The following PPARGC1A variants were observed in gnomAD, a reference collection of about 807,000 sequenced individuals.
PPARGC1A encodes the protein peroxisome proliferator-activated receptor gamma coactivator 1-alpha.
PPARGC1A carries 25 observed loss-of-function variants against 88.7 expected under a neutral mutation model. That is an observed-to-expected ratio of 0.28 (90% CI 0.21 to 0.39). The LOEUF (loss-of-function observed/expected upper bound fraction) is 0.39. PPARGC1A is among the 10% of genes least tolerant of loss of function. PPARGC1A has a pLI of 1.00. For synonymous variants in PPARGC1A, 363 were observed against 355.6 expected (o/e 1.02, Z -0.24); for missense variants, 880 against 968.7 (o/e 0.91, Z 1.22).
At chr4:24,466,569 G>A in the PPARGC1A span, among the ~76,000 whole-genome samples, 13 of 152,172 alleles carry the variant, frequency 8.5e-5, no homozygotes, top group Non-Finnish European at 2.9e-5. Flanking sequence ...GAGATTAAAT[G>A]AGTCAAATAT....
At chr4:24,090,559 G>A in the PPARGC1A span, among the ~76,000 whole-genome samples, 3 of 152,028 alleles carry the variant, frequency 2.0e-5, no homozygotes, top group African/African-American at 7.2e-5. Flanking sequence ...TTCTGCTATA[G>A]ACAAAATGGA....
the PPARGC1A span, among the ~76,000 whole-genome samples, chr4:24,304,348 AT>A: frequency 1.0e-3 from 153 of 152,310 alleles, 1 homozygote; most frequent in Non-Finnish European, 2.0e-3. Flanking sequence ...ACTTGTGAGA[AT>A]GGGGTACTCC....
At chr4:24,324,685 T>C in the PPARGC1A span, among the ~76,000 whole-genome samples, 1 of 152,170 alleles carries the variant, frequency 6.6e-6, no homozygotes, top group Non-Finnish European at 1.5e-5. Flanking sequence ...AAGATTTAAA[T>C]AATTCTTGTC....
chr4:24,435,856 G>C, the PPARGC1A span, among the ~76,000 whole-genome samples: 1 of 152,202 alleles, frequency 6.6e-6, no homozygotes, highest in South Asian at 2.1e-4. Flanking sequence ...TTGAGACCAA[G>C]AGATGCCCAA....
At chr4:24,086,617 C>T in the PPARGC1A span, among the ~76,000 whole-genome samples, 19 of 152,322 alleles carry the variant, frequency 1.2e-4, no homozygotes, top group South Asian at 3.3e-3. Context: ...GCCGTGCTCT[C>T]CCACCATGAC....
chr4:24,132,085 A>G, the PPARGC1A span, among the ~76,000 whole-genome samples: 4 of 152,184 alleles, frequency 2.6e-5, no homozygotes, highest in Admixed American at 2.6e-4. Flanking sequence ...TTTTGCACAC[A>G]TTCTCTTACT....
At chr4:24,333,937 CAACAAA>C in the PPARGC1A span, among the ~76,000 whole-genome samples, 77 of 10,366 alleles carry the variant, frequency 7.4e-3, no homozygotes, top group African/African-American at 0.012. Context: ...CCAACAACAA[CAACAAA>C]AAAAAAAAAA....
At chr4:24,001,510 C>A in the PPARGC1A span, among the ~76,000 whole-genome samples, 1 of 152,066 alleles carries the variant, frequency 6.6e-6, no homozygotes, top group Non-Finnish European at 1.5e-5. Context: ...AACATAGCAA[C>A]AATTTAGCAA....
chr4:23,813,307 A>G (rs1321153222), intron 8 of PPARGC1A, among the ~76,000 whole-genome samples, 182 bp from the exon 9 acceptor site: 2 of 152,110 alleles, frequency 1.3e-5, no homozygotes, highest in Non-Finnish European at 2.9e-5. Context: ...GCTGGGAGTG[A>G]TGTGCTCTCT....
the PPARGC1A span, among the ~76,000 whole-genome samples, chr4:24,195,126 G>A: frequency 2.6e-5 from 4 of 152,264 alleles, no homozygotes; most frequent in African/African-American, 9.6e-5. Context: ...GAGTACCTAT[G>A]TTATATGGAA....
the PPARGC1A span, among the ~76,000 whole-genome samples, chr4:24,206,978 C>T: frequency 3.3e-4 from 49 of 150,204 alleles, no homozygotes; most frequent in Middle Eastern, 0.018. Context: ...AGAAAAGAAG[C>T]TTTAAACCCT....
chr4:24,327,182 G>T, the PPARGC1A span, among the ~76,000 whole-genome samples: 1 of 152,296 alleles, frequency 6.6e-6, no homozygotes, highest in African/African-American at 2.4e-5. Flanking sequence ...CAGCCCATTT[G>T]AGCTCCTGTA....
the PPARGC1A span, among the ~76,000 whole-genome samples, chr4:23,951,307 G>C: frequency 6.6e-6 from 1 of 152,082 alleles, no homozygotes; most frequent in African/African-American, 2.4e-5. Flanking sequence ...AGAGGGAACA[G>C]CACAAACAAA....
At chr4:24,126,472 G>A in the PPARGC1A span, among the ~76,000 whole-genome samples, 2 of 152,164 alleles carry the variant, frequency 1.3e-5, no homozygotes, top group Admixed American at 1.3e-4. Flanking sequence ...GTGACCCCAG[G>A]AGGACTGAGT....
the PPARGC1A span, among the ~76,000 whole-genome samples, chr4:24,338,720 T>A: frequency 3.3e-5 from 5 of 152,022 alleles, no homozygotes; most frequent in Non-Finnish European, 5.9e-5. Context: ...TTATAGGGAC[T>A]GAAGACTCAT....
chr4:24,405,359 T>C, the PPARGC1A span, among the ~76,000 whole-genome samples: 2 of 152,170 alleles, frequency 1.3e-5, no homozygotes, highest in Non-Finnish European at 2.9e-5. Flanking sequence ...ATTGACAGTA[T>C]CTGTTTAGTA....
At chr4:24,332,091 G>T in the PPARGC1A span, among the ~76,000 whole-genome samples, 14 of 150,046 alleles carry the variant, frequency 9.3e-5, no homozygotes, top group Middle Eastern at 6.8e-3. Context: ...TCACAACTGA[G>T]TTCTCAGAAG....
the PPARGC1A span, among the ~76,000 whole-genome samples, chr4:24,347,921 G>GT: frequency 5.3e-5 from 8 of 152,050 alleles, no homozygotes; most frequent in African/African-American, 1.9e-4. Context: ...GTTTTGATGT[G>GT]TTTTGATGTG....
chr4:23,827,381 A>G (rs990608222), intron 5 of PPARGC1A, among the ~76,000 whole-genome samples: 1 of 152,036 alleles, frequency 6.6e-6, no homozygotes, highest in Non-Finnish European at 1.5e-5. Context: ...AGCAGAAATC[A>G]CTGGCTCCCA....
Sources: allele counts gnomAD v4.1 joint callset (sites outside exome capture counted in the v4.1 genomes callset), GRCh38; gene constraint gnomAD v4.1.1; transcripts MANE v1.5; gene names NCBI Gene and HGNC (gene_info 2026-07-23, HGNC 2026-07-21).